RASA3: variants seen among roughly 807,000 people sequenced by gnomAD.
RASA3 encodes the protein RAS p21 protein activator 3, also known as ras GTPase-activating protein 3.
In RASA3, 73 loss-of-function variants were observed where a neutral mutation model predicts 110.0. The ratio of observed to expected loss-of-function variants is 0.66; its 90% confidence interval spans 0.55 to 0.81. The LOEUF (loss-of-function observed/expected upper bound fraction) is 0.81. RASA3 is among the 30% of genes least tolerant of loss of function. The pLI is 0.00. For missense variants in RASA3, 976 were observed against 1,113.2 expected (o/e 0.88, Z 1.75); for synonymous variants, 500 against 451.4 (o/e 1.11, Z -1.37).
chr13:114,112,998 A>T lies in RASA3; in HGVS notation c.55+19437T>A, dbSNP rs1043291040. Reference sequence around the variant, plus strand: ...AGAAAGGCCCAGCCCATCCCAGCAGAGGCCGACCAGGACTCCAGAGCCCGT... The same window carrying T: ...AGAAAGGCCCAGCCCATCCCAGCAGTGGCCGACCAGGACTCCAGAGCCCGT... On this transcript the variant is annotated intron_variant, in intron 1 of 23. Coordinates refer to ENST00000334062, the MANE Select transcript of RASA3 (RefSeq NM_007368.4). This position sits in a 1 kb window ranked among gnomAD's most constrained non-coding sequence, Gnocchi z 4.8. 7.2e-5 allele frequency among the ~76,000 whole-genome samples: 11 copies of T among 152,284 alleles called. No individual in the cohort carries two copies. Among genetic ancestry groups the T allele is most frequent in the Non-Finnish European group, 1.3e-4 (9 of 68,020 alleles).
In RASA3 at chr13:114,056,895, T is replaced by G. The variant is rs983212325; in HGVS notation, c.174-4740A>C. ...CCTCCTCCAGCCTCCACCCAGGAAT[T>G]TCTCCAGCAATGGCTTTAGAACCTT... On this transcript the variant is annotated intron_variant, in intron 2 of 23. Coordinates refer to ENST00000334062, the MANE Select transcript of RASA3 (RefSeq NM_007368.4). The surrounding 1 kb of genome is among the most constrained non-coding windows in gnomAD (Gnocchi z 5.7). Among the ~76,000 whole-genome samples the G allele has an allele frequency of 6.6e-6, 1 of 152,124 alleles. No individual in the cohort carries two copies. The highest frequency in any genetic ancestry group is 2.4e-5 in the African/African-American group (1 of 41,430).
intron 4 of RASA3, among the ~76,000 whole-genome samples, chr13:114,034,272 C>G (rs2054238149): frequency 6.6e-6 from 1 of 152,274 alleles, no homozygotes; most frequent in Non-Finnish European, 1.5e-5. Flanking sequence ...TTCTCAAATG[C>G]CGGGCGCAAA....
At chr13:114,064,482 G>A (rs1566543439) in intron 2 of RASA3, among the ~76,000 whole-genome samples, 1 of 152,172 alleles carries the variant, frequency 6.6e-6, no homozygotes, top group Non-Finnish European at 1.5e-5. Context: ...CCAGGCCCAC[G>A]GACAGCCCCC....
intron 4 of RASA3, 104 bp downstream of exon 4, chr13:114,040,896 C>G: frequency 9.2e-7 from 1 of 1,090,020 alleles, no homozygotes; most frequent in Non-Finnish European, 1.4e-6. Context: ...CCAGTCAAGG[C>G]CGAAGCCCGA....
intron 1 of RASA3, chr13:114,107,640 G>A (rs1453531066): frequency 1.3e-5 from 2 of 152,272 alleles, no homozygotes; most frequent in African/African-American, 2.4e-5. Flanking sequence ...AAGCGACTGT[G>A]TCTAGGGGAG....
At chr13:114,104,586 G>A (rs920618899) in intron 1 of RASA3, among the ~76,000 whole-genome samples, 1 of 152,158 alleles carries the variant, frequency 6.6e-6, no homozygotes, top group Non-Finnish European at 1.5e-5. Flanking sequence ...CTCCTAGTGG[G>A]CCGGCCACAA....
At chr13:114,102,500 A>G (rs9590435) in intron 1 of RASA3, among the ~76,000 whole-genome samples, 84,479 of 152,004 alleles carry the variant, frequency 0.56, 23,800 homozygotes, top group East Asian at 0.72. Flanking sequence ...GCTGCGTGGG[A>G]CGGGCAGGAG....
At chr13:114,130,279 G>A (rs1407156608) in intron 1 of RASA3, among the ~76,000 whole-genome samples, 1 of 152,216 alleles carries the variant, frequency 6.6e-6, no homozygotes, top group African/African-American at 2.4e-5. Flanking sequence ...GAGGGGAGAG[G>A]AAACGGGGAC....
rs564404891 is a variant in RASA3, at chr13:114,028,575, C to G, written c.450-648G>C. Among the ~76,000 whole-genome samples, 5 of 146,128 alleles carry G rather than the reference C, an allele frequency of 3.4e-5. No homozygotes were observed. The South Asian group carries it at 1.1e-3, about 32-fold the overall frequency. The stretch of plus-strand genomic sequence containing the variant: ...TCATCCTGGAAGGGGGCCAGAACTT[C>G]TAAAACAGCATCATCCTGGGGCAAC... On this transcript the variant is annotated intron_variant, in intron 5 of 23. Coordinates refer to ENST00000334062, the MANE Select transcript of RASA3 (RefSeq NM_007368.4).
chr13:114,041,333 G>T (rs2054402107), intron 3 of RASA3, among the ~76,000 whole-genome samples: 1 of 152,256 alleles, frequency 6.6e-6, no homozygotes, highest in African/African-American at 2.4e-5. Context: ...AAAAATAAAG[G>T]AATGAGCCGG....
chr13:113,997,603 A>T (rs1013798708), intron 20 of RASA3, among the ~76,000 whole-genome samples: 1 of 149,670 alleles, frequency 6.7e-6, no homozygotes, highest in East Asian at 2.0e-4. Flanking sequence ...GATTAGAGGG[A>T]CGGGGGTGCT....
In RASA3 at chr13:114,114,760, C is replaced by T. The variant is rs1334135673; in HGVS notation, c.55+17675G>A. Among the ~76,000 whole-genome samples the T allele has an allele frequency of 6.6e-6, 1 of 152,224 alleles. No individual in the cohort carries two copies. The highest frequency in any genetic ancestry group is 2.4e-5 in the African/African-American group (1 of 41,452). On this transcript the variant is annotated intron_variant, in intron 1 of 23. Coordinates refer to ENST00000334062, the MANE Select transcript of RASA3 (RefSeq NM_007368.4). This position sits in a 1 kb window ranked among gnomAD's most constrained non-coding sequence, Gnocchi z 4.8. ...ACCCGAGGGCAGGTTAAACACGCTC[C>T]CTCCAAAGCTTACTTGGCTTTGATT...
At position 114,051,709 on chromosome 13, in the gene RASA3, A is replaced by AGGCCCCACATCCATGCAAAGGT. The variant is rs775768135; in HGVS notation, c.277+321_277+342dup. On this transcript the variant is annotated intron_variant, in intron 3 of 23. Coordinates refer to ENST00000334062, the MANE Select transcript of RASA3 (RefSeq NM_007368.4). Reference sequence around the variant, plus strand: ...GACAGCCAAGACGTGGTGAGGAGGGAGGCCCCACATCCATGCAAAGGTCCC... The same window carrying AGGCCCCACATCCATGCAAAGGT: ...GACAGCCAAGACGTGGTGAGGAGGGAGGCCCCACATCCATGCAAAGGTGGCCCCACATCCATGCAAAGGTCCC... Among the ~76,000 whole-genome samples the AGGCCCCACATCCATGCAAAGGT allele has an allele frequency of 4.6e-3, 583 of 126,696 alleles. 1 individual carries two copies. The highest frequency in any genetic ancestry group is 7.2e-3 in the Non-Finnish European group (454 of 62,782). 83.1% of individuals were successfully genotyped at this position (126,696 alleles called of 152,430 possible). A position where few individuals can be genotyped will look rare whatever the true frequency, so the allele number is the denominator to read the frequency against.
At chr13:114,127,542 A>G (rs776955146) in intron 1 of RASA3, among the ~76,000 whole-genome samples, 8 of 152,066 alleles carry the variant, frequency 5.3e-5, no homozygotes, top group Non-Finnish European at 1.0e-4. Flanking sequence ...AAGGTCACCA[A>G]CAAGTCTCTC....
chr13:113,990,841 CAT>C (rs2053092722), intron 22 of RASA3, among the ~76,000 whole-genome samples: 1 of 152,232 alleles, frequency 6.6e-6, no homozygotes, highest in Non-Finnish European at 1.5e-5. Flanking sequence ...TCATTTCACA[CAT>C]GTATTGCTGG....
intron 1 of RASA3, among the ~76,000 whole-genome samples, chr13:114,105,694 C>A (rs2080124301): frequency 6.6e-6 from 1 of 152,226 alleles, no homozygotes; most frequent in South Asian, 2.1e-4. Flanking sequence ...CACAGCATTC[C>A]AGAAACGACA....
intron 1 of RASA3, among the ~76,000 whole-genome samples, chr13:114,116,949 G>A (rs1257463436): frequency 7.0e-6 from 1 of 142,848 alleles, no homozygotes; most frequent in Non-Finnish European, 1.5e-5. Flanking sequence ...GAGCACGTGT[G>A]TGAGGGGTGC....
intron 1 of RASA3, among the ~76,000 whole-genome samples, chr13:114,081,632 A>G (rs1286180041): frequency 6.6e-6 from 1 of 152,230 alleles, no homozygotes; most frequent in African/African-American, 2.4e-5. Context: ...AATATGGGAA[A>G]GAAGGCGATT....
chr13:114,041,650 G>A (rs151060106), intron 3 of RASA3, among the ~76,000 whole-genome samples: 12 of 152,386 alleles, frequency 7.9e-5, no homozygotes, highest in East Asian at 3.9e-4. Context: ...CCGTGCGAGC[G>A]ACAGCCTGAA....
Sources: allele counts gnomAD v4.1 joint callset (sites outside exome capture counted in the v4.1 genomes callset), GRCh38; gene constraint gnomAD v4.1.1; non-coding constraint Gnocchi (gnomAD v3.1); transcripts MANE v1.5; gene names NCBI Gene and HGNC (gene_info 2026-07-23, HGNC 2026-07-21).